The following GPHN variants were observed in gnomAD, a reference collection of about 807,000 sequenced individuals.
The protein encoded by GPHN is gephyrin.
In GPHN, 17 loss-of-function variants were observed where a neutral mutation model predicts 95.5. The observed-to-expected ratio is 0.18, with a 90% CI of 0.12 to 0.27. The LOEUF is 0.27. Ranked by LOEUF, GPHN falls within the 10% of genes least tolerant of loss-of-function variation. The pLI is 1.00. For synonymous variants in GPHN, 320 were observed against 322.5 expected, an observed-to-expected ratio of 0.99 and a Z score of 0.08; for missense variants, 660 against 978.1, an observed-to-expected ratio of 0.67 and a Z score of 4.34.
At chr14:66,952,997 T>C (rs991994096) in intron 8 of GPHN, among the ~76,000 whole-genome samples, 14 of 151,412 alleles carry the variant, frequency 9.2e-5, no homozygotes, top group Non-Finnish European at 1.6e-4. Flanking sequence ...CCGGGCCTTC[T>C]TTTTTTCTTA....
At chr14:67,712,079 C>G in the GPHN span, among the ~76,000 whole-genome samples, 1 of 152,060 alleles carries the variant, frequency 6.6e-6, no homozygotes, top group African/African-American at 2.4e-5. Context: ...GCCACCACAC[C>G]CAGCTAATTT....
intron 10 of GPHN, among the ~76,000 whole-genome samples, chr14:67,047,362 G>GTA (rs1402859810): frequency 7.6e-6 from 1 of 130,754 alleles, no homozygotes; most frequent in African/African-American, 2.8e-5. Context: ...GTGTGTGTGT[G>GTA]TTTGTTTTTT....
At chr14:67,481,586 A>G in the GPHN span, among the ~76,000 whole-genome samples, 2 of 152,338 alleles carry the variant, frequency 1.3e-5, no homozygotes, top group Middle Eastern at 6.8e-3. Flanking sequence ...GGGGAAGATG[A>G]TAATATTAGA....
the GPHN span, chr14:67,569,862 C>A: frequency 7.2e-6 from 8 of 1,109,758 alleles, no homozygotes; most frequent in African/African-American, 1.5e-5. Flanking sequence ...CTCTGCTTCC[C>A]CCACACCCCT....
intron 1 of GPHN, among the ~76,000 whole-genome samples, chr14:66,586,485 A>G (rs992878080): frequency 2.4e-4 from 37 of 152,118 alleles, no homozygotes; most frequent in Non-Finnish European, 4.1e-4. Context: ...CCTAGCCTTG[A>G]TGGTCTTTAC....
At chr14:67,722,521 G>A in the GPHN span, 9 of 831,072 alleles carry the variant, frequency 1.1e-5, no homozygotes, top group Non-Finnish European at 1.9e-5. Flanking sequence ...CACCCAGGAC[G>A]GAGAGGAGCA....
At chr14:66,608,435 A>G (rs1195847662) in intron 1 of GPHN, among the ~76,000 whole-genome samples, 1 of 152,052 alleles carries the variant, frequency 6.6e-6, no homozygotes, top group Non-Finnish European at 1.5e-5. Context: ...TATGTTTCTT[A>G]TGCAGATGAG....
At chr14:66,681,079 T>G (rs1057118418) in intron 1 of GPHN, 28 bp from the exon 2 acceptor site, 2 of 1,348,756 alleles carry the variant, frequency 1.5e-6, no homozygotes, top group Admixed American at 1.7e-5. Flanking sequence ...AAAATTAATT[T>G]TTTTTTCTTT....
chr14:67,574,383 G>T, the GPHN span: 22 of 1,580,610 alleles, frequency 1.4e-5, no homozygotes, highest in Admixed American at 2.4e-4. The surrounding 1 kb of genome is among the most constrained non-coding windows in gnomAD (Gnocchi z 4.2). Context: ...CAAGCCCACC[G>T]TGAAGGGCTG....
chr14:67,684,354 A>G, the GPHN span, among the ~76,000 whole-genome samples: 1 of 152,186 alleles, frequency 6.6e-6, no homozygotes, highest in African/African-American at 2.4e-5. Context: ...TCAAAATAAT[A>G]TGGGAGAAGA....
At position 67,101,941 on chromosome 14, in the gene GPHN, G is replaced by T. The variant is rs533995830; in HGVS notation, c.1293+1030G>T. 5.9e-5 allele frequency among the ~76,000 whole-genome samples: 9 copies of T among 151,582 alleles called. No homozygotes were observed. The South Asian group carries it at 1.0e-3, about 18-fold the overall frequency. Reference sequence around the variant, plus strand: ...GGCTGGAGTGCAGTGGCGCGATCTCGGCTCACTGCAAGCTCCGCCTCCCGG... The same window carrying T: ...GGCTGGAGTGCAGTGGCGCGATCTCTGCTCACTGCAAGCTCCGCCTCCCGG... On this transcript the variant is annotated intron_variant, in intron 13 of 22. Coordinates refer to ENST00000478722, the MANE Select transcript of GPHN (RefSeq NM_020806.5).
At chr14:66,538,218 G>A (rs2059211281) in intron 1 of GPHN, among the ~76,000 whole-genome samples, 2 of 151,926 alleles carry the variant, frequency 1.3e-5, no homozygotes, top group South Asian at 4.1e-4. Flanking sequence ...GCGTTTTTTT[G>A]GCTGCATTTA....
In GPHN at chr14:66,965,345, A is replaced by G. The variant is rs2069246752; in HGVS notation, c.963+20A>G. On this transcript the variant is annotated intron_variant, in intron 9 of 22. Coordinates refer to ENST00000478722, the MANE Select transcript of GPHN (RefSeq NM_020806.5). ...CCAAAAGTAAGTATGGTTCCTTCGC[A>G]TCTTACACCTGCTCTTCTATAGTAA... The G allele has an allele frequency of 1.0e-5, 16 of 1,607,890 alleles. No homozygotes were observed. Among genetic ancestry groups the G allele is most frequent in the Non-Finnish European group, 1.4e-5 (16 of 1,174,396 alleles).
At chr14:67,429,771 G>A in the GPHN span, among the ~76,000 whole-genome samples, 1 of 152,024 alleles carries the variant, frequency 6.6e-6, no homozygotes, top group East Asian at 1.9e-4. Flanking sequence ...CAACAAAAAT[G>A]ATGAAAACTA....
At chr14:67,478,969 C>T in the GPHN span, among the ~76,000 whole-genome samples, 1 of 152,206 alleles carries the variant, frequency 6.6e-6, no homozygotes, top group Non-Finnish European at 1.5e-5. Context: ...CAAAGGCATG[C>T]ATATGTGCAC....
the GPHN span, among the ~76,000 whole-genome samples, chr14:67,598,215 A>C: frequency 6.6e-6 from 1 of 152,242 alleles, no homozygotes; most frequent in East Asian, 1.9e-4. Flanking sequence ...TTTGGCACAC[A>C]GAGCCCTTAG....
Position 66,913,569 on chromosome 14 carries a change from T to C in GPHN, c.390-2434T>C, listed in dbSNP as rs866034814. On this transcript the variant is annotated intron_variant, in intron 5 of 22. Coordinates refer to ENST00000478722, the MANE Select transcript of GPHN (RefSeq NM_020806.5). ...TATTGGCCAGGCTGGTCTCGAACTC[T>C]GACCTTGTGATCCTCCCACCTCGGC... 4.6e-5 allele frequency among the ~76,000 whole-genome samples: 7 copies of C among 152,142 alleles called. No individual in the cohort carries two copies. The South Asian group carries it at 1.5e-3, about 32-fold the overall frequency.
chr14:66,663,048 A>G (rs545985813), intron 1 of GPHN, among the ~76,000 whole-genome samples: 2 of 152,364 alleles, frequency 1.3e-5, no homozygotes, highest in South Asian at 2.1e-4. Context: ...CTTGGAAAAT[A>G]TATTTCAGGA....
At chr14:67,198,078 A>G in the GPHN span, 4 of 1,511,240 alleles carry the variant, frequency 2.6e-6, no homozygotes, top group South Asian at 1.3e-5. Flanking sequence ...AAATGAAGCA[A>G]CTTAATTATG....
Sources: allele counts gnomAD v4.1 joint callset (sites outside exome capture counted in the v4.1 genomes callset), GRCh38; gene constraint gnomAD v4.1.1; non-coding constraint Gnocchi (gnomAD v3.1); transcripts MANE v1.5; gene names NCBI Gene and HGNC (gene_info 2026-07-23, HGNC 2026-07-21).